Variants in APOB observed in about 807,000 individuals in gnomAD.
The protein encoded by APOB is apolipoprotein B, also known as apolipoprotein B-100.
A neutral mutation model predicts 314.1 loss-of-function variants in APOB; 153 were observed. The ratio of observed to expected loss-of-function variants is 0.49; its 90% CI spans 0.43 to 0.56. The LOEUF (loss-of-function observed/expected upper bound fraction) is 0.56, where lower values mean the gene tolerates loss of function less well. Ranked by LOEUF, APOB falls within the 20% of genes least tolerant of loss-of-function variation. APOB has a pLI of 0.00. For missense variants in APOB, 5,430 were observed against 5,350.7 expected (o/e 1.01, Z -0.46); for synonymous variants, 2,087 against 2,036.4 (o/e 1.02, Z -0.67).
chr2:21,002,915 A>G lies in APOB; in HGVS notation c.12507T>C (p.Asp4169=), dbSNP rs1205997349. 1 of 1,613,728 alleles carries G rather than the reference A, an allele frequency of 6.2e-7. No homozygotes were observed. The highest frequency in any genetic ancestry group is 8.5e-7 in the Non-Finnish European group (1 of 1,179,862). ...EGQASFQGLK[D]NVFDGLVRVT... is the part of the protein sequence containing the mutation. ...CTCGTACCAAGCCATCAAACACGTT[A>G]TCCTTGAGTCCCTGGAAACTGGCTT... Residue 4169 remains aspartate, a synonymous_variant, in exon 29 of 29, where the codon GAT becomes GAC. Transcript: ENST00000233242.
Position 21,021,476 on chromosome 2 carries a change from C to G in APOB, c.2816+1355G>C, listed in dbSNP as rs150596879. ...CAGAGTATTTCTTCTAAAACATCAC[C>G]CCTATCTTATTTCTGCTCCCCTTTT... is the stretch of plus-strand genomic sequence containing the variant. On this transcript the variant is annotated intron_variant, in intron 18 of 28. Transcript: ENST00000233242. 6.1e-4 allele frequency among the ~76,000 whole-genome samples: 93 copies of G among 152,250 alleles called. 1 individual carries two copies. Among genetic ancestry groups the G allele is most frequent in the African/African-American group, 2.1e-3 (89 of 41,534 alleles).
At position 21,009,404 on chromosome 2, in the gene APOB, T is replaced by G. The variant is rs1324603711; in HGVS notation, c.7464A>C (p.Lys2488Asn). ...AVYLESLQDT[K>N]ITLIINWLQE... The stretch of plus-strand genomic sequence containing the variant: ...GTAACCAATTGATGATTAAGGTTAT[T>G]TTGGTGTCCTGTAGGCTTTCCAGAT... Residue 2488 changes from lysine (K) to asparagine (N), a missense_variant, in exon 26 of 29, where the codon AAA (lysine) becomes AAC (asparagine). Physicochemically the swap from Lys to Asn is moderately conservative, Grantham distance 94 (BLOSUM62 0). Transcript: ENST00000233242. 1 of 1,614,080 alleles carries G rather than the reference T, an allele frequency of 6.2e-7. No homozygotes were observed. The highest frequency in any genetic ancestry group is 8.5e-7 in the Non-Finnish European group (1 of 1,179,964).
rs375294575 is a variant in APOB at position 21,016,458 on chromosome 2, C to A, written c.3313G>T (p.Ala1105Ser). ...CTTTACCTTAGGTGGCCCATGAGGG[C>A]GACCTCAGTAATTTTCTTGTTCTGA... ...DIQNKKITEV[A>S]LMGHLSCDTK... The change falls in exon 21 of 29, where the codon GCC becomes TCC. Residue 1105 changes from alanine to serine, a missense_variant. Around this residue, in one of 3 missense-constraint regions of APOB, gnomAD observed 2,085 missense variants for 2,079.7 expected, o/e 1.00. Coordinates refer to ENST00000233242, the MANE Select transcript of APOB (RefSeq NM_000384.3). The A allele has an allele frequency of 6.2e-7, 1 of 1,607,060 alleles. No individual in the cohort carries two copies. Among genetic ancestry groups the A allele is most frequent in the Middle Eastern group, 1.7e-4 (1 of 6,002 alleles).
In APOB at chr2:21,007,073, T is replaced by C; in HGVS notation, c.9795A>G (p.Ile3265Met). 6.2e-7 allele frequency: 1 copy of C among 1,613,996 alleles called. No individual in the cohort carries two copies. The highest frequency in any genetic ancestry group is 8.5e-7 in the Non-Finnish European group (1 of 1,179,928). The change falls in exon 26 of 29, where the codon ATA becomes ATG. Residue 3265 changes from isoleucine to methionine, a missense_variant. Ile to Met is a conservative substitution (Grantham distance 10, BLOSUM62 1). Around this residue, in one of 3 missense-constraint regions of APOB, gnomAD observed 3,281 missense variants for 3,171.0 expected, o/e 1.03. Transcript: ENST00000233242. ...VVNVEVSPFT[I>M]EMSAFGYVFP... ...ACACATAGCCGAATGCCGACATCTC[T>C]ATGGTGAATGGAGACACTTCAACAT...
At position 21,005,900 on chromosome 2, in the gene APOB, C is replaced by A. The variant is rs1384116637; in HGVS notation, c.10968G>T (p.Lys3656Asn). 1 of 1,613,904 alleles carries A rather than the reference C, an allele frequency of 6.2e-7. No homozygotes were observed. The highest frequency in any genetic ancestry group is 2.2e-5 in the East Asian group (1 of 44,862). ...SQVELSNDQE[K>N]AHLDIAGSLE... ...AGGATCCTGCAATGTCAAGGTGTGCCTTTTCTTGGTCATTGGAAAGCTCGA... is the reference window on the plus strand; with the variant it reads ...AGGATCCTGCAATGTCAAGGTGTGCATTTTCTTGGTCATTGGAAAGCTCGA... The change falls in exon 26 of 29, where the codon AAG (lysine) becomes AAT (asparagine). Residue 3656 changes from lysine (K) to asparagine (N), a missense_variant. Lys to Asn is a moderately conservative substitution (Grantham distance 94). Transcript: ENST00000233242.
At chr2:21,036,666 G>A (rs533072665) in intron 6 of APOB, among the ~76,000 whole-genome samples, 3 of 152,130 alleles carry the variant, frequency 2.0e-5, no homozygotes, top group Non-Finnish European at 4.4e-5. Flanking sequence ...TGAGGGAGAG[G>A]GGGAGAACAC....
Position 21,005,495 on chromosome 2 carries a change from GA to G in APOB, c.11372del (p.Phe3791SerfsTer7), listed in dbSNP as rs1558560635. 8 of 1,614,028 alleles carry G rather than the reference GA, an allele frequency of 5.0e-6. No individual in the cohort carries two copies. Among genetic ancestry groups the G allele is most frequent in the Non-Finnish European group, 6.8e-6 (8 of 1,179,962 alleles). ...LNLPTLPEVK[F>X]PEVDVLTKYS... ...ATTTTGTTAACACATCAACTTCAGGGAATTTTACCTCGGGGAGTGTTGGTAG... is the reference window on the plus strand; with the variant it reads ...ATTTTGTTAACACATCAACTTCAGGGATTTTACCTCGGGGAGTGTTGGTAG... On this transcript the variant is annotated frameshift_variant, in exon 26 of 29. Transcript: ENST00000233242. LOFTEE classifies it high-confidence loss of function.
intron 10 of APOB, 121 bp from the exon 11 acceptor site, chr2:21,030,136 A>T (rs992188516): frequency 5.7e-5 from 40 of 700,892 alleles, no homozygotes; most frequent in Non-Finnish European, 1.0e-4. Context: ...AAGAGCCTGA[A>T]TAGCTGAAGC....
At chr2:21,014,079 T>G (rs931677160) in intron 24 of APOB, among the ~76,000 whole-genome samples, 1 of 152,214 alleles carries the variant, frequency 6.6e-6, no homozygotes, top group Non-Finnish European at 1.5e-5. Flanking sequence ...CTGCCTCCAT[T>G]TAGTGCTCAA....
Position 21,008,602 on chromosome 2 carries a change from C to T in APOB, c.8266G>A (p.Gly2756Ser). 3 of 1,614,038 alleles carry T rather than the reference C, an allele frequency of 1.9e-6. No individual in the cohort carries two copies. Among genetic ancestry groups the T allele is most frequent in the Non-Finnish European group, 2.5e-6 (3 of 1,179,962 alleles). The change falls in exon 26 of 29, where the codon GGC becomes AGC. Residue 2756 changes from glycine (G) to serine (S), a missense_variant. By Grantham distance (56) the Gly-to-Ser change is moderately conservative (BLOSUM62 0). Coordinates refer to ENST00000233242, the MANE Select transcript of APOB (RefSeq NM_000384.3). Reference protein sequence around the residue: ...ISHTIEVPTFGKLYSILKIQS... With the variant: ...ISHTIEVPTFSKLYSILKIQS... ...ATTTTCAGAATACTGTATAGCTTGCCAAAAGTAGGTACTTCAATTGTGTGT... is the reference window on the plus strand; with the variant it reads ...ATTTTCAGAATACTGTATAGCTTGCTAAAAGTAGGTACTTCAATTGTGTGT...
intron 16 of APOB, chr2:21,024,678 AC>A (rs1389120858): frequency 6.1e-6 from 4 of 655,754 alleles, no homozygotes; most frequent in Non-Finnish European, 1.1e-5. Flanking sequence ...GGTATACCGA[AC>A]ATTGTTTTCC....
chr2:21,012,657 A>G lies in APOB; in HGVS notation c.4217-6T>C, dbSNP rs1043118874. 3 of 1,609,894 alleles carry G rather than the reference A, an allele frequency of 1.9e-6. No homozygotes were observed. Among genetic ancestry groups the G allele is most frequent in the East Asian group, 4.5e-5 (2 of 44,876 alleles). On this transcript the variant is annotated splice_polypyrimidine_tract_variant and splice_region_variant and intron_variant, in intron 25 of 28. Coordinates refer to ENST00000233242, the MANE Select transcript of APOB (RefSeq NM_000384.3). ...ATATGTTGTTTCTCCAGATCCTAAC[A>G]TAAAAATGAAAAGACATTGGTTAAA...
At chr2:21,041,301 G>C (rs571481544) in intron 3 of APOB, among the ~76,000 whole-genome samples, 29 of 152,272 alleles carry the variant, frequency 1.9e-4, no homozygotes, top group Non-Finnish European at 3.5e-4. Context: ...CCCCCTCCCG[G>C]GTAACACATT....
chr2:21,010,899 T>G lies in APOB; in HGVS notation c.5969A>C (p.Asn1990Thr). 6.2e-7 allele frequency: 1 copy of G among 1,614,086 alleles called. No individual in the cohort carries two copies. The highest frequency in any genetic ancestry group is 8.5e-7 in the Non-Finnish European group (1 of 1,179,990). ...AGCATCCAAGTCCTGGCTGTATTCATTGTTGTTAAATTGGGTCTTGAGTTT... is the reference window on the plus strand; with the variant it reads ...AGCATCCAAGTCCTGGCTGTATTCAGTGTTGTTAAATTGGGTCTTGAGTTT... ...TWKLKTQFNN[N>T]EYSQDLDAYN... The change falls in exon 26 of 29, where the codon AAT becomes ACT. Residue 1990 changes from asparagine (N) to threonine (T), a missense_variant. This residue lies in a region of APOB where 3,281 missense variants were observed against 3,171.0 expected (regional missense o/e 1.03). Transcript: ENST00000233242.
chr2:21,022,831 C>T lies in APOB; in HGVS notation c.2816G>A (p.Gly939Asp), dbSNP rs1165406609. ...AGGCAGACTTGGCTGAAAGAATTACCCTCCACTGAGCAGCTTGACTGGTCT... is the reference window on the plus strand; with the variant it reads ...AGGCAGACTTGGCTGAAAGAATTACTCTCCACTGAGCAGCTTGACTGGTCT... ...PKRPVKLLSG[G>D]NTLHLVSTTK... is the part of the protein sequence containing the mutation. Residue 939 changes from glycine (G) to aspartate (D), a missense_variant and splice_region_variant, in exon 18 of 29, where the codon GGC (glycine) becomes GAC (aspartate). Physicochemically the swap from Gly to Asp is moderately conservative, Grantham distance 94. Coordinates refer to ENST00000233242, the MANE Select transcript of APOB (RefSeq NM_000384.3). The T allele has an allele frequency of 1.2e-6, 2 of 1,613,996 alleles. No homozygotes were observed.
chr2:21,010,674 T>A lies in APOB; in HGVS notation c.6194A>T (p.Asp2065Val). ...VAFVKYDKNQ[D>V]VHSINLPFFE... ...AAATGGGAGGTTAATGGAGTGAACATCTTGGTTTTTATCATACTTTACAAA... is the reference window on the plus strand; with the variant it reads ...AAATGGGAGGTTAATGGAGTGAACAACTTGGTTTTTATCATACTTTACAAA... The change falls in exon 26 of 29, where the codon GAT becomes GTT. Residue 2065 changes from aspartate to valine, a missense_variant. This residue lies in a region of APOB where 3,281 missense variants were observed against 3,171.0 expected (regional missense o/e 1.03). Transcript: ENST00000233242. 1 of 1,614,068 alleles carries A rather than the reference T, an allele frequency of 6.2e-7. No homozygotes were observed. The highest frequency in any genetic ancestry group is 8.5e-7 in the Non-Finnish European group (1 of 1,179,986).
rs185540148 is a variant in APOB, at chr2:21,016,457, G to A, written c.3314C>T (p.Ala1105Val). Residue 1105 changes from alanine (A) to valine (V), a missense_variant, in exon 21 of 29, where the codon GCC (alanine) becomes GTC (valine). By Grantham distance (64) the Ala-to-Val change is moderately conservative. This residue lies in a region of APOB where 2,085 missense variants were observed against 2,079.7 expected (regional missense o/e 1.00). Transcript: ENST00000233242. ...TCTTTACCTTAGGTGGCCCATGAGG[G>A]CGACCTCAGTAATTTTCTTGTTCTG... ...DIQNKKITEV[A>V]LMGHLSCDTK... is the part of the protein sequence containing the mutation. 3 of 1,607,138 alleles carry A rather than the reference G, an allele frequency of 1.9e-6. No homozygotes were observed. The East Asian group carries it at 6.7e-5, about 36-fold the overall frequency.
rs546024019 is a variant in APOB at position 21,002,546 on chromosome 2, G to T, written c.12876C>A (p.Thr4292=). The T allele has an allele frequency of 6.2e-7, 1 of 1,613,828 alleles. No individual in the cohort carries two copies. The highest frequency in any genetic ancestry group is 2.2e-5 in the East Asian group (1 of 44,856). The change falls in exon 29 of 29, where the codon ACC becomes ACA. Residue 4292 remains threonine (T), a synonymous_variant. Coordinates refer to ENST00000233242, the MANE Select transcript of APOB (RefSeq NM_000384.3). Reference sequence around the variant, plus strand: ...CCTGAAGATTACGTAGCACCTCTGTGGTCTTGAGAGACTGAATGGCTTTAA... The same window carrying T: ...CCTGAAGATTACGTAGCACCTCTGTTGTCTTGAGAGACTGAATGGCTTTAA... ...EVFKAIQSLK[T]TEVLRNLQDL... is the part of the protein sequence containing the mutation.
rs771196833 is a variant in APOB at position 21,008,357 on chromosome 2, C to T, written c.8511G>A (p.Thr2837=). 5.8e-5 allele frequency: 93 copies of T among 1,613,852 alleles called. No individual in the cohort carries two copies. The highest frequency in any genetic ancestry group is 7.4e-5 in the Non-Finnish European group (87 of 1,179,926). Residue 2837 remains threonine, a synonymous_variant, in exon 26 of 29, where the codon ACG becomes ACA. Transcript: ENST00000233242. ...AAAACAGCATTTCACTCCCATGCTC[C>T]GTTCTCAGGTACTTGCTGGAGAACT... ...SVKFSSKYLR[T]EHGSEMLFFG... is the part of the protein sequence containing the mutation.
Sources: gnomAD v4.1 joint callset for allele counts (sites outside exome capture counted in the v4.1 genomes callset) on GRCh38, gnomAD v4.1.1 for gene constraint, gnomAD v4.1.1 regional missense constraint, MANE v1.5 for transcripts, NCBI Gene and HGNC (gene_info 2026-07-23, HGNC 2026-07-21) for gene names.